Variants in NUP153 observed in about 807,000 individuals in gnomAD.
NUP153 encodes the protein nuclear pore complex protein Nup153.
A neutral mutation model predicts 134.6 loss-of-function variants in NUP153; 27 were observed. The observed-to-expected ratio is 0.20, with a 90% CI of 0.15 to 0.28. The LOEUF (loss-of-function observed/expected upper bound fraction) is 0.28, where lower values mean the gene tolerates loss of function less well. NUP153 is among the 10% of genes least tolerant of loss of function. The pLI is 1.00. For synonymous variants in NUP153, 640 were observed against 623.5 expected (o/e 1.03, Z -0.40); for missense variants, 1,821 against 1,731.3 (o/e 1.05, Z -0.92).
chr6:17,617,370 C>A (rs765946861), intron 20 of NUP153, among the ~76,000 whole-genome samples: 1 of 148,538 alleles, frequency 6.7e-6, no homozygotes, highest in African/African-American at 2.5e-5. Context: ...ACTAAACGAG[C>A]AGTAGGGAAA....
At chr6:17,655,149 T>A (rs1403802769) in intron 11 of NUP153, among the ~76,000 whole-genome samples, 2 of 152,232 alleles carry the variant, frequency 1.3e-5, no homozygotes, top group African/African-American at 4.8e-5. Context: ...AAAAAACTCA[T>A]GGATTGATTG....
intron 8 of NUP153, among the ~76,000 whole-genome samples, chr6:17,666,887 A>G (rs1287835496): frequency 1.3e-5 from 2 of 152,220 alleles, no homozygotes; most frequent in African/African-American, 2.4e-5. Flanking sequence ...AAGCCTCTGT[A>G]TGGTTACTAA....
intron 14 of NUP153, among the ~76,000 whole-genome samples, 200 bp from the exon 15 acceptor site, chr6:17,640,264 A>G (rs1015018824): frequency 1.3e-5 from 2 of 152,226 alleles, no homozygotes; most frequent in Admixed American, 6.5e-5. Flanking sequence ...CCCATACTAT[A>G]TAACTTCCCC....
intron 11 of NUP153, among the ~76,000 whole-genome samples, chr6:17,653,240 G>A (rs1391644796): frequency 1.3e-5 from 2 of 152,088 alleles, no homozygotes; most frequent in African/African-American, 2.4e-5. Context: ...GCGACAGAGC[G>A]AGGCTCCATC....
At position 17,637,170 on chromosome 6, in the gene NUP153, C is replaced by G. The variant is rs776567220; in HGVS notation, c.2447G>C (p.Cys816Ser). 1.1e-5 allele frequency: 17 copies of G among 1,608,494 alleles called. No homozygotes were observed. In the South Asian group the frequency reaches 1.9e-4, roughly 18 times the overall value. Residue 816 changes from cysteine to serine, a missense_variant, in exon 16 of 22, where the codon TGT becomes TCT. Physicochemically the swap from Cys to Ser is moderately radical, Grantham distance 112. Transcript: ENST00000262077. ...NNAEDNKCVSCMSEKPGSSVP... is the reference protein window; with the variant it reads ...NNAEDNKCVSSMSEKPGSSVP... ...AAACATACCTGGTTTCTCAGACATA[C>G]AGGACACACACTTATTGTCTTCTGC...
Position 17,665,366 on chromosome 6 carries a change from G to C in NUP153, c.1088C>G (p.Pro363Arg). 6.2e-7 allele frequency: 1 copy of C among 1,612,074 alleles called. No homozygotes were observed. Among genetic ancestry groups the C allele is most frequent in the East Asian group, 2.2e-5 (1 of 44,786 alleles). The change falls in exon 9 of 22, where the codon CCT becomes CGT. Residue 363 changes from proline to arginine, a missense_variant. Coordinates refer to ENST00000262077, the MANE Select transcript of NUP153 (RefSeq NM_005124.4). Reference sequence around the variant, plus strand: ...CTTTGGGGTCATAAGTCTCTGAACAGGAGGATATTGAGAATCCACCTTACA... The same window carrying C: ...CTTTGGGGTCATAAGTCTCTGAACACGAGGATATTGAGAATCCACCTTACA... ...KREKVDSQYPPVQRLMTPKPV... is the reference protein window; with the variant it reads ...KREKVDSQYPRVQRLMTPKPV...
chr6:17,689,713 C>T (rs891014138), intron 1 of NUP153, among the ~76,000 whole-genome samples: 6 of 151,500 alleles, frequency 4.0e-5, no homozygotes, highest in Non-Finnish European at 7.4e-5. Flanking sequence ...TTAGTAGAGA[C>T]GGGGTTTCTC....
At chr6:17,642,817 T>C (rs1195249974) in intron 14 of NUP153, among the ~76,000 whole-genome samples, 1 of 152,146 alleles carries the variant, frequency 6.6e-6, no homozygotes, top group East Asian at 1.9e-4. Flanking sequence ...AAAAATAAAC[T>C]GTGGCACATC....
Position 17,624,774 on chromosome 6 carries a change from C to T in NUP153, c.3961G>A (p.Ala1321Thr). Reference sequence around the variant, plus strand: ...TGTCCAAATGTTGGGGTCTGGTTAGCACCAAATGCTGGACTGGCAGATGGT... The same window carrying T: ...TGTCCAAATGTTGGGGTCTGGTTAGTACCAAATGCTGGACTGGCAGATGGT... ...SAPSASPAFG[A>T]NQTPTFGQSQ... The change falls in exon 20 of 22, where the codon GCT (alanine) becomes ACT (threonine). Residue 1321 changes from alanine to threonine, a missense_variant. Physicochemically the swap from Ala to Thr is moderately conservative, Grantham distance 58. Coordinates refer to ENST00000262077, the MANE Select transcript of NUP153 (RefSeq NM_005124.4). The T allele has an allele frequency of 1.2e-6, 2 of 1,614,068 alleles. No individual in the cohort carries two copies. The highest frequency in any genetic ancestry group is 1.7e-6 in the Non-Finnish European group (2 of 1,179,988).
chr6:17,700,931 T>C (rs1352875740), intron 1 of NUP153, among the ~76,000 whole-genome samples: 2 of 152,210 alleles, frequency 1.3e-5, no homozygotes, highest in African/African-American at 4.8e-5. Context: ...CCTTCCCCTT[T>C]TTAAAAATAG....
chr6:17,666,168 C>A, intron 8 of NUP153, among the ~76,000 whole-genome samples: 1 of 151,918 alleles, frequency 6.6e-6, no homozygotes, highest in East Asian at 1.9e-4. Context: ...GTACTTTTGT[C>A]ACATTTTCCC....
At chr6:17,640,925 C>G (rs1277710508) in intron 14 of NUP153, among the ~76,000 whole-genome samples, 1 of 151,976 alleles carries the variant, frequency 6.6e-6, no homozygotes, top group African/African-American at 2.4e-5. Flanking sequence ...GCCTGGCCCA[C>G]AAAAATCATT....
At chr6:17,626,776 T>C (rs907255199) in intron 18 of NUP153, among the ~76,000 whole-genome samples, 3 of 152,226 alleles carry the variant, frequency 2.0e-5, no homozygotes, top group African/African-American at 4.8e-5. Context: ...AAATTTCTTG[T>C]GTGGTTTCCT....
chr6:17,679,344 A>C (rs534435270), intron 2 of NUP153, among the ~76,000 whole-genome samples: 1 of 152,352 alleles, frequency 6.6e-6, no homozygotes, highest in South Asian at 2.1e-4. Context: ...GTGCACATGG[A>C]AACTACAAAA....
chr6:17,695,924 G>A (rs1769608847), intron 1 of NUP153, among the ~76,000 whole-genome samples: 1 of 152,120 alleles, frequency 6.6e-6, no homozygotes, highest in Non-Finnish European at 1.5e-5. Flanking sequence ...CAGGAGAATG[G>A]CGTGAACCCG....
intron 2 of NUP153, among the ~76,000 whole-genome samples, chr6:17,686,679 T>C (rs1768951419): frequency 6.6e-6 from 1 of 151,180 alleles, no homozygotes; most frequent in Non-Finnish European, 1.5e-5. Flanking sequence ...AACAAAGTTT[T>C]AAAAGTTAAG....
At chr6:17,672,808 T>C (rs1767997031) in intron 5 of NUP153, among the ~76,000 whole-genome samples, 1 of 152,124 alleles carries the variant, frequency 6.6e-6, no homozygotes, top group Non-Finnish European at 1.5e-5. Context: ...GTAAGACTCC[T>C]ACCTTTCATT....
intron 1 of NUP153, among the ~76,000 whole-genome samples, chr6:17,695,050 C>T (rs560863523): frequency 4.6e-5 from 7 of 151,930 alleles, no homozygotes; most frequent in Non-Finnish European, 8.8e-5. Flanking sequence ...GACCCAAATA[C>T]AGGCGTGTCC....
At chr6:17,622,018 A>G (rs1182646687) in intron 20 of NUP153, among the ~76,000 whole-genome samples, 2 of 152,230 alleles carry the variant, frequency 1.3e-5, no homozygotes, top group African/African-American at 4.8e-5. Context: ...TACTAAAACT[A>G]TATTTCTATG....
Sources: gnomAD v4.1 joint callset for allele counts (sites outside exome capture counted in the v4.1 genomes callset) on GRCh38, gnomAD v4.1.1 for gene constraint, MANE v1.5 for transcripts, NCBI Gene and HGNC (gene_info 2026-07-23, HGNC 2026-07-21) for gene names.